ACYP2: variants seen among roughly 807,000 people sequenced by gnomAD.
ACYP2 encodes acylphosphatase 2.
ACYP2 carries 12 observed loss-of-function variants against 11.2 expected under a neutral mutation model. The ratio of observed to expected loss-of-function variants is 1.08; its 90% CI spans 0.69 to 1.74. The LOEUF (loss-of-function observed/expected upper bound fraction) is 1.74. Ranked by LOEUF, ACYP2 falls within the 40% of genes most tolerant of loss-of-function variation. The pLI, the probability that ACYP2 is intolerant of heterozygous loss-of-function variation, is 0.00. For synonymous variants in ACYP2, 43 were observed against 32.2 expected (o/e 1.33, Z -1.13); for missense variants, 134 against 101.9 (o/e 1.31, Z -1.35).
chr2:54,158,332 G>A (rs535226411), intron 6 of ACYP2, among the ~76,000 whole-genome samples: 24 of 151,348 alleles, frequency 1.6e-4, no homozygotes, highest in African/African-American at 4.6e-4. Context: ...ATGAGCCACC[G>A]TGCCCGGCCT....
At chr2:54,287,075 A>T (rs1689109416) in intron 6 of ACYP2, among the ~76,000 whole-genome samples, 1 of 152,024 alleles carries the variant, frequency 6.6e-6, no homozygotes, top group South Asian at 2.1e-4. Flanking sequence ...CTGCTATAAC[A>T]AAATATCTTA....
chr2:54,204,862 C>T (rs79935044), intron 6 of ACYP2, among the ~76,000 whole-genome samples: 2,089 of 152,200 alleles, frequency 0.014, 59 homozygotes, highest in African/African-American at 0.047. Context: ...ATTATTTCTG[C>T]TTTGTGATGT....
At chr2:54,023,217 G>A (rs1002675952) in intron 2 of ACYP2, among the ~76,000 whole-genome samples, 5 of 152,096 alleles carry the variant, frequency 3.3e-5, no homozygotes, top group African/African-American at 9.7e-5. Context: ...TACATTTTAT[G>A]TGTGTGTGGG....
chr2:54,197,942 A>ATGTATTG (rs1354658076), intron 6 of ACYP2, among the ~76,000 whole-genome samples: 4 of 69,568 alleles, frequency 5.7e-5, no homozygotes, highest in East Asian at 4.9e-4. Flanking sequence ...TGTATGTATT[A>ATGTATTG]TATTGTATTG....
At chr2:54,192,439 A>G (rs1381773290) in intron 6 of ACYP2, among the ~76,000 whole-genome samples, 1 of 152,148 alleles carries the variant, frequency 6.6e-6, no homozygotes, top group Non-Finnish European at 1.5e-5. Context: ...GCTTTTCAAA[A>G]TTAAAAATTA....
intron 4 of ACYP2, among the ~76,000 whole-genome samples, chr2:54,103,103 A>G (rs1467165163): frequency 6.6e-6 from 1 of 152,226 alleles, no homozygotes; most frequent in Non-Finnish European, 1.5e-5. Flanking sequence ...GGGGAGAAAG[A>G]GGGTTTGTAA....
chr2:54,230,164 T>C (rs1686170080), intron 6 of ACYP2, among the ~76,000 whole-genome samples: 1 of 152,224 alleles, frequency 6.6e-6, no homozygotes, highest in African/African-American at 2.4e-5. Flanking sequence ...CCACATTCTA[T>C]AGAGAATCCC....
intron 6 of ACYP2, chr2:54,142,346 A>G: frequency 6.5e-6 from 1 of 154,422 alleles, no homozygotes; most frequent in Non-Finnish European, 1.4e-5. Flanking sequence ...TTAGATTTCA[A>G]TTTTTACCTA....
chr2:54,122,398 G>A (rs927006803), intron 4 of ACYP2, among the ~76,000 whole-genome samples: 3 of 152,186 alleles, frequency 2.0e-5, no homozygotes, highest in Non-Finnish European at 4.4e-5. Context: ...ATATCGTGCT[G>A]GAGTCTTTTA....
At chr2:54,138,794 C>T (rs768649194) in intron 6 of ACYP2, 46 bp downstream of exon 3, 2 of 1,531,662 alleles carry the variant, frequency 1.3e-6, no homozygotes, top group East Asian at 2.3e-5. Flanking sequence ...TATGAGGCTG[C>T]TGTTTTTTAG....
chr2:54,304,214 ATGTC>A (rs1371084028), intron 6 of ACYP2, among the ~76,000 whole-genome samples: 9 of 66,992 alleles, frequency 1.3e-4, no homozygotes, highest in African/African-American at 5.4e-4. Flanking sequence ...CATTATATAT[ATGTC>A]TGTGTGTGTG....
intron 2 of ACYP2, among the ~76,000 whole-genome samples, chr2:54,010,824 A>C (rs1442041652): frequency 1.5e-5 from 2 of 135,562 alleles, no homozygotes; most frequent in East Asian, 2.1e-4. Flanking sequence ...ATGCGCCACT[A>C]CACCTGGCTA....
At chr2:54,052,999 C>A (rs746716034) in intron 3 of ACYP2, among the ~76,000 whole-genome samples, 1 of 152,220 alleles carries the variant, frequency 6.6e-6, no homozygotes, top group African/African-American at 2.4e-5. Flanking sequence ...TTTACTTTTA[C>A]TAGCTGGCAC....
chr2:54,132,195 C>G (rs1680942351), intron 4 of ACYP2, among the ~76,000 whole-genome samples: 1 of 152,144 alleles, frequency 6.6e-6, no homozygotes, highest in African/African-American at 2.4e-5. Context: ...TTTGCCTGCA[C>G]AGTGCAGCTT....
intron 6 of ACYP2, among the ~76,000 whole-genome samples, chr2:54,281,815 G>A (rs1688860068): frequency 6.6e-6 from 1 of 152,078 alleles, no homozygotes; most frequent in South Asian, 2.1e-4. Context: ...GCTTTACTAA[G>A]TTTTGCTTTT....
chr2:54,060,468 G>A (rs964836822), intron 4 of ACYP2, among the ~76,000 whole-genome samples: 1 of 152,006 alleles, frequency 6.6e-6, no homozygotes, highest in East Asian at 1.9e-4. Context: ...TATAATTTTA[G>A]TAAAGTTTTG....
At position 54,201,636 on chromosome 2, in the gene ACYP2, C is replaced by CTTTCTCTTTCTTTCTTTCTT. The variant is rs59874821; in HGVS notation, c.404+62889_404+62890insTTCTCTTTCTTTCTTTCTTT. Among the ~76,000 whole-genome samples the CTTTCTCTTTCTTTCTTTCTT allele has an allele frequency of 3.5e-3, 324 of 93,674 alleles. 9 individuals carry two copies. The highest frequency in any genetic ancestry group is 8.5e-3 in the Admixed American group (76 of 8,942). 61.5% of individuals were successfully genotyped at this position (93,674 alleles called of 152,430 possible). The stretch of plus-strand genomic sequence containing the variant: ...TCTTTCTTTCTTTGTTTCTTTCTTT[C>CTTTCTCTTTCTTTCTTTCTT]TCTTTCTTTCTTTCTTTCTTTCTTT... On this transcript the variant is annotated intron_variant, in intron 6 of 6. Coordinates refer to ENST00000607452, the MANE Select transcript of ACYP2 (RefSeq NM_001320586.2).
intron 6 of ACYP2, chr2:54,255,189 C>G: frequency 6.2e-7 from 1 of 1,614,202 alleles, no homozygotes; most frequent in Non-Finnish European, 8.5e-7. Flanking sequence ...AAAAAGACAC[C>G]ACTTGGCCGA....
At chr2:54,218,573 T>G (rs1470647722) in intron 6 of ACYP2, among the ~76,000 whole-genome samples, 1 of 152,224 alleles carries the variant, frequency 6.6e-6, no homozygotes, top group Non-Finnish European at 1.5e-5. Flanking sequence ...TATTTAGGAT[T>G]GCATTTTGCT....
Sources: allele counts gnomAD v4.1 joint callset (sites outside exome capture counted in the v4.1 genomes callset), GRCh38; gene constraint gnomAD v4.1.1; transcripts MANE v1.5; gene names NCBI Gene and HGNC (gene_info 2026-07-23, HGNC 2026-07-21).